ERBB3: variants seen among roughly 807,000 people sequenced by gnomAD.
The protein encoded by ERBB3 is receptor tyrosine-protein kinase erbB-3.
A neutral mutation model predicts 156.7 loss-of-function variants in ERBB3; 96 were observed. The observed-to-expected ratio is 0.61, with a 90% CI of 0.52 to 0.73. The LOEUF (loss-of-function observed/expected upper bound fraction) is 0.73, where lower values mean the gene tolerates loss of function less well. Ranked by LOEUF, ERBB3 falls within the 30% of genes least tolerant of loss-of-function variation. The pLI, the probability that ERBB3 is intolerant of heterozygous loss-of-function variation, is 0.00. For synonymous variants in ERBB3, 567 were observed against 632.0 expected (o/e 0.90, Z 1.54); for missense variants, 1,406 against 1,709.4 (o/e 0.82, Z 3.13).
At chr12:56,081,841 CCCA>C (rs1271787389) in intron 1 of ERBB3, among the ~76,000 whole-genome samples, 1 of 152,070 alleles carries the variant, frequency 6.6e-6, no homozygotes, top group East Asian at 1.9e-4. Flanking sequence ...CTGGCTCTAT[CCCA>C]CCCCTAGTGC....
At position 56,088,632 on chromosome 12, in the gene ERBB3, C is replaced by T. The variant is rs770284356; in HGVS notation, c.964C>T (p.Pro322Ser). Residue 322 changes from proline to serine, a missense_variant, in exon 8 of 28, where the codon CCT becomes TCT. Physicochemically the swap from Pro to Ser is moderately conservative, Grantham distance 74. Coordinates refer to ENST00000267101, the MANE Select transcript of ERBB3 (RefSeq NM_001982.4). ...VDKNGLKMCE[P>S]CGGLCPKACE... ...TAAAAATGGGCTCAAGATGTGTGAG[C>T]CTTGTGGGGGACTATGTCCCAAAGG... The T allele has an allele frequency of 2.2e-5, 36 of 1,613,844 alleles. No homozygotes were observed. Among genetic ancestry groups the T allele is most frequent in the Non-Finnish European group, 2.9e-5 (34 of 1,179,872 alleles).
At chr12:56,093,157 A>T in intron 11 of ERBB3, 81 bp downstream of exon 11, 3 of 1,233,080 alleles carry the variant, frequency 2.4e-6, no homozygotes, top group African/African-American at 1.5e-5. Flanking sequence ...AATACAAGGC[A>T]CTGTCTCATA....
At position 56,093,045 on chromosome 12, in the gene ERBB3, T is replaced by C. The variant is rs751842876; in HGVS notation, c.1243T>C (p.Leu415=). The C allele has an allele frequency of 4.5e-5, 72 of 1,613,948 alleles. No individual in the cohort carries two copies. Among genetic ancestry groups the C allele is most frequent in the Non-Finnish European group, 5.9e-5 (70 of 1,179,952 alleles). The part of the protein sequence containing the change: ...HMHNFSVFSN[L]TTIGGRSLYN... The stretch of plus-strand genomic sequence containing the variant: ...GCACAACTTCAGTGTTTTTTCCAAT[T>C]TGACAACCATTGGAGGCAGAAGCCT... Residue 415 remains leucine (L), a synonymous_variant, in exon 11 of 28, where the codon TTG becomes CTG. Transcript: ENST00000267101.
Position 56,095,313 on chromosome 12 carries a change from A to G in ERBB3, c.1913+3A>G, listed in dbSNP as rs767411838. 8 of 1,612,572 alleles carry G rather than the reference A, an allele frequency of 5.0e-6. No individual in the cohort carries two copies. The highest frequency in any genetic ancestry group is 6.8e-6 in the Non-Finnish European group (8 of 1,178,686). The stretch of plus-strand genomic sequence containing the variant: ...GGACAAACACTGGTGCTGATCGGGT[A>G]TGATGGGGTTGGAGATTCTGGAAAC... On this transcript the variant is annotated splice_donor_region_variant and intron_variant, in intron 16 of 27. Coordinates refer to ENST00000267101, the MANE Select transcript of ERBB3 (RefSeq NM_001982.4).
rs758866721 is a variant in ERBB3, at chr12:56,101,353, A to G, written c.3494A>G (p.His1165Arg). Residue 1165 changes from histidine to arginine, a missense_variant, in exon 27 of 28, where the codon CAC (histidine) becomes CGC (arginine). Coordinates refer to ENST00000267101, the MANE Select transcript of ERBB3 (RefSeq NM_001982.4). ...DVNGYVMPDT[H>R]LKGTPSSREG... ...AACGGTTATGTCATGCCAGATACAC[A>G]CCTCAAAGGTGCCTGACTCTTCCTA... 19 of 1,613,886 alleles carry G rather than the reference A, an allele frequency of 1.2e-5. No homozygotes were observed. In the East Asian group the frequency reaches 3.8e-4, roughly 32 times the overall value.
At chr12:56,080,443 G>T in intron 1 of ERBB3, 61 bp downstream of exon 1, 1 of 1,350,736 alleles carries the variant, frequency 7.4e-7, no homozygotes. Flanking sequence ...AGTGCGCGCA[G>T]CCTCGGAGGG....
At chr12:56,092,564 T>C (rs1007541371) in intron 9 of ERBB3, among the ~76,000 whole-genome samples, 183 bp from the exon 10 acceptor site, 1 of 152,182 alleles carries the variant, frequency 6.6e-6, no homozygotes, top group East Asian at 1.9e-4. Flanking sequence ...TCTTTGAGTC[T>C]TGTCTTGTTT....
chr12:56,096,021 C>A, intron 17 of ERBB3: 1 of 610,376 alleles, frequency 1.6e-6, no homozygotes. Context: ...GGGAGGCATG[C>A]ATTCTAGTCC....
Position 56,087,570 on chromosome 12 carries a change from C to T in ERBB3, c.548-7C>T. ...TGGCCCCTTGTGTTGCCTTCCTTCC[C>T]AACCAGGTCCCCCCTGTCATGAGGT... On this transcript the variant is annotated splice_region_variant and splice_polypyrimidine_tract_variant and intron_variant, in intron 4 of 27. Transcript: ENST00000267101. 6.2e-7 allele frequency: 1 copy of T among 1,613,838 alleles called. No homozygotes were observed. Among genetic ancestry groups the T allele is most frequent in the Non-Finnish European group, 8.5e-7 (1 of 1,179,726 alleles).
In ERBB3 at chr12:56,100,265, G is replaced by A. The variant is rs1375694373; in HGVS notation, c.3201+20G>A. 20 of 1,596,050 alleles carry A rather than the reference G, an allele frequency of 1.3e-5. No homozygotes were observed. The highest frequency in any genetic ancestry group is 1.5e-5 in the Non-Finnish European group (18 of 1,163,510). ...TGCCAGGTAAGTTCTGTTGCTGAGA[G>A]GCTGGGTTTTAGGATCAGATTGATA... is the stretch of plus-strand genomic sequence containing the variant. On this transcript the variant is annotated intron_variant, in intron 26 of 27. Coordinates refer to ENST00000267101, the MANE Select transcript of ERBB3 (RefSeq NM_001982.4).
Position 56,096,580 on chromosome 12 carries a change from G to A in ERBB3, c.2133G>A (p.Lys711=), listed in dbSNP as rs994858163. 2.5e-6 allele frequency: 4 copies of A among 1,614,070 alleles called. No individual in the cohort carries two copies. The highest frequency in any genetic ancestry group is 1.3e-5 in the African/African-American group (1 of 74,914). Residue 711 remains lysine, a synonymous_variant, in exon 18 of 28, where the codon AAG becomes AAA. Coordinates refer to ENST00000267101, the MANE Select transcript of ERBB3 (RefSeq NM_001982.4). ...TCTTCAAAGAGACAGAGCTAAGGAAGCTTAAAGTGCTTGGCTCGGGTGTCT... is the reference window on the plus strand; with the variant it reads ...TCTTCAAAGAGACAGAGCTAAGGAAACTTAAAGTGCTTGGCTCGGGTGTCT... The part of the protein sequence containing the change: ...ARIFKETELR[K]LKVLGSGVFG...
At chr12:56,095,001 A>G (rs1041767633) in intron 15 of ERBB3, among the ~76,000 whole-genome samples, 3 of 152,074 alleles carry the variant, frequency 2.0e-5, no homozygotes, top group Admixed American at 6.6e-5. Flanking sequence ...GATTGGAGAA[A>G]GGGAAAATCA....
intron 3 of ERBB3, among the ~76,000 whole-genome samples, chr12:56,086,063 CAAAAAAAAAAAAA>C (rs56926853): frequency 2.2e-5 from 2 of 89,422 alleles, no homozygotes; most frequent in Non-Finnish European, 4.2e-5. Flanking sequence ...AGCGAGACTC[CAAAAAAAAAAAAA>C]AAAAAAAAAA....
Position 56,101,842 on chromosome 12 carries a change from T to TG in ERBB3, c.3821dup (p.Asp1275Ter), listed in dbSNP as rs747814172. 1 of 1,612,514 alleles carries TG rather than the reference T, an allele frequency of 6.2e-7. No homozygotes were observed. Among genetic ancestry groups the TG allele is most frequent in the South Asian group, 1.1e-5 (1 of 90,968 alleles). ...ATCGGCAACGAGATGGAGGTGGTCC[T>TG]GGGGGTGATTATGCAGCCATGGGGG... On this transcript the variant is annotated frameshift_variant, in exon 28 of 28. Transcript: ENST00000267101. LOFTEE classifies it high-confidence loss of function.
Position 56,098,744 on chromosome 12 carries a change from G to A in ERBB3, c.2693-15G>A. On this transcript the variant is annotated splice_polypyrimidine_tract_variant and intron_variant, in intron 22 of 27. Coordinates refer to ENST00000267101, the MANE Select transcript of ERBB3 (RefSeq NM_001982.4). ...ACTATTTTGCCAGTGACTAGTCCAT[G>A]TCTTCCTGCAACAGGTGTGACAGTT... The A allele has an allele frequency of 6.2e-7, 1 of 1,614,112 alleles. No individual in the cohort carries two copies. The highest frequency in any genetic ancestry group is 8.5e-7 in the Non-Finnish European group (1 of 1,180,008).
chr12:56,080,852 G>A (rs186460991), intron 1 of ERBB3, among the ~76,000 whole-genome samples: 1 of 152,296 alleles, frequency 6.6e-6, no homozygotes, highest in Admixed American at 6.5e-5. Context: ...GGTTGGAGGG[G>A]GTTGTTGTTC....
At chr12:56,086,453 C>T in intron 3 of ERBB3, 78 bp from the exon 4 acceptor site, 1 of 1,574,800 alleles carries the variant, frequency 6.4e-7, no homozygotes, top group South Asian at 1.1e-5. Flanking sequence ...TCTCAGGTGT[C>T]CTTTTGGATG....
rs1869146033 is a variant in ERBB3 at position 56,102,463 on chromosome 12, A to G, written c.*408A>G. The G allele has an allele frequency of 7.8e-6, 2 of 257,918 alleles. No individual in the cohort carries two copies. The highest frequency in any genetic ancestry group is 2.3e-4 in the South Asian group (2 of 8,674). 16.0% of individuals were successfully genotyped at this position (257,918 alleles called of 1,614,324 possible). On this transcript the variant is annotated 3_prime_UTR_variant, in exon 28 of 28. Coordinates refer to ENST00000267101, the MANE Select transcript of ERBB3 (RefSeq NM_001982.4). ...AGAGGAAAGGGAGGAAACCTAGCAG[A>G]GGAAAGTGTAATTTTGGTTTATGAC... is the stretch of plus-strand genomic sequence containing the variant.
chr12:56,083,071 C>G (rs921281739), intron 1 of ERBB3, among the ~76,000 whole-genome samples: 3 of 151,320 alleles, frequency 2.0e-5, no homozygotes, highest in Non-Finnish European at 2.9e-5. Context: ...CTCCCATTGA[C>G]CCCCCCTCAC....
Sources: allele counts gnomAD v4.1 joint callset (sites outside exome capture counted in the v4.1 genomes callset), GRCh38; gene constraint gnomAD v4.1.1; transcripts MANE v1.5; gene names NCBI Gene and HGNC (gene_info 2026-07-23, HGNC 2026-07-21).